Variants in DNAJC5B observed in about 807,000 individuals in gnomAD.
DNAJC5B encodes dnaJ homolog subfamily C member 5B.
Under a neutral mutation model 24.7 loss-of-function variants are expected in DNAJC5B, and 23 were observed. The ratio of observed to expected loss-of-function variants is 0.93; its 90% CI spans 0.67 to 1.32. The LOEUF is 1.32. Among genes scored for constraint, DNAJC5B ranks in the 40% most tolerant of loss-of-function variants. The pLI is 0.00. For synonymous variants in DNAJC5B, 101 were observed against 90.1 expected (o/e 1.12, Z -0.68); for missense variants, 238 against 240.8 (o/e 0.99, Z 0.08).
intron 2 of DNAJC5B, among the ~76,000 whole-genome samples, chr8:66,045,590 A>AG (rs759325499): frequency 1.3e-5 from 2 of 152,036 alleles, no homozygotes; most frequent in Non-Finnish European, 2.9e-5. Flanking sequence ...ATACTAGAAA[A>AG]GGGAGGGTAG....
chr8:66,023,148 T>G (rs1409080682), intron 1 of DNAJC5B, among the ~76,000 whole-genome samples: 1 of 152,202 alleles, frequency 6.6e-6, no homozygotes, highest in Non-Finnish European at 1.5e-5. Flanking sequence ...GTGTCTCAGC[T>G]AAGGGTATCA....
chr8:66,028,737 G>A (rs181732169), intron 1 of DNAJC5B, among the ~76,000 whole-genome samples: 1 of 152,034 alleles, frequency 6.6e-6, no homozygotes, highest in Non-Finnish European at 1.5e-5. Flanking sequence ...CTGCCACCCT[G>A]GTCTGGGCCC....
intron 5 of DNAJC5B, among the ~76,000 whole-genome samples, chr8:66,081,935 A>G (rs1807604800): frequency 6.6e-6 from 1 of 152,192 alleles, no homozygotes; most frequent in Non-Finnish European, 1.5e-5. Context: ...TAATGGGGTC[A>G]TTTATACCAA....
At position 66,080,399 on chromosome 8, in the gene DNAJC5B, T is replaced by C. The variant is rs1807566191; in HGVS notation, c.356T>C (p.Leu119Pro). The change falls in exon 5 of 6, where the codon CTC becomes CCC. Residue 119 changes from leucine to proline, a missense_variant. Physicochemically the swap from Leu to Pro is moderately conservative, Grantham distance 98. Coordinates refer to ENST00000276570, the MANE Select transcript of DNAJC5B (RefSeq NM_033105.6). ...TAGGCCCTGTTTGTCATCGTTGGCC[T>C]CTTGACGGGCTGCTACTTTTGCTGC... ...WAKALFVIVGLLTGCYFCCCL... is the reference protein window; with the variant it reads ...WAKALFVIVGPLTGCYFCCCL... 3 of 1,613,542 alleles carry C rather than the reference T, an allele frequency of 1.9e-6. No individual in the cohort carries two copies. Among genetic ancestry groups the C allele is most frequent in the African/African-American group, 1.3e-5 (1 of 74,912 alleles).
chr8:66,031,010 G>A (rs1352828071), intron 1 of DNAJC5B, among the ~76,000 whole-genome samples: 2 of 152,170 alleles, frequency 1.3e-5, no homozygotes, highest in Non-Finnish European at 2.9e-5. Flanking sequence ...GCTTATGCTC[G>A]TGAGAGCCCC....
chr8:66,044,946 C>T (rs1806692550), intron 2 of DNAJC5B, among the ~76,000 whole-genome samples: 1 of 152,034 alleles, frequency 6.6e-6, no homozygotes. Flanking sequence ...AGGTTATGGG[C>T]CCACTATTTA....
chr8:66,016,184 T>C, the DNAJC5B span, among the ~76,000 whole-genome samples: 1 of 152,324 alleles, frequency 6.6e-6, no homozygotes, highest in Non-Finnish European at 1.5e-5. Context: ...AAGGGGCTAG[T>C]TTCTTCCAGC....
At chr8:66,074,208 G>A (rs1170639721) in intron 3 of DNAJC5B, among the ~76,000 whole-genome samples, 1 of 152,310 alleles carries the variant, frequency 6.6e-6, no homozygotes, top group South Asian at 2.1e-4. Flanking sequence ...TATTTTAAGA[G>A]CTGGGGCAGC....
chr8:66,087,829 A>G (rs1188972698), intron 5 of DNAJC5B, among the ~76,000 whole-genome samples: 1 of 152,150 alleles, frequency 6.6e-6, no homozygotes, highest in East Asian at 1.9e-4. Context: ...GTGGCTCTGC[A>G]GGGTACAGCC....
upstream of DNAJC5B, among the ~76,000 whole-genome samples, chr8:66,018,024 G>A (rs184387059): frequency 1.8e-3 from 273 of 152,238 alleles, 4 homozygotes; most frequent in African/African-American, 6.1e-3. Context: ...CTTTTAGAGC[G>A]TACTCAATAC....
At chr8:66,099,435 A>G (rs777381027) in intron 5 of DNAJC5B, among the ~76,000 whole-genome samples, 6 of 152,214 alleles carry the variant, frequency 3.9e-5, no homozygotes, top group Admixed American at 1.3e-4. Context: ...GGAGATTTCT[A>G]TTAGACTCTC....
intron 5 of DNAJC5B, among the ~76,000 whole-genome samples, chr8:66,085,400 A>C (rs1807699262): frequency 1.3e-5 from 2 of 152,152 alleles, no homozygotes; most frequent in South Asian, 4.1e-4. Context: ...AGGTCGTGCC[A>C]CTGCACTCCA....
intron 1 of DNAJC5B, among the ~76,000 whole-genome samples, chr8:66,041,196 G>A (rs1806600666): frequency 6.6e-6 from 1 of 152,142 alleles, no homozygotes; most frequent in Non-Finnish European, 1.5e-5. Context: ...CATAAATGAT[G>A]TAGAGAGGTA....
chr8:66,041,582 T>A (rs918852392), intron 1 of DNAJC5B, among the ~76,000 whole-genome samples: 2 of 152,236 alleles, frequency 1.3e-5, no homozygotes, highest in African/African-American at 4.8e-5. Context: ...GTTTCCTGCC[T>A]CAGAGACAGG....
chr8:66,036,008 G>A (rs1164192933), intron 1 of DNAJC5B, among the ~76,000 whole-genome samples: 1 of 152,168 alleles, frequency 6.6e-6, no homozygotes, highest in Non-Finnish European at 1.5e-5. Flanking sequence ...GGTTGTAAAC[G>A]CAGATGCCCC....
chr8:66,017,858 A>C (rs1475574827), upstream of DNAJC5B, among the ~76,000 whole-genome samples: 1 of 152,224 alleles, frequency 6.6e-6, no homozygotes, highest in African/African-American at 2.4e-5. Flanking sequence ...ATAGACTACG[A>C]GCATTTTAGT....
chr8:66,084,116 T>G (rs755472750), intron 5 of DNAJC5B, among the ~76,000 whole-genome samples: 21 of 152,280 alleles, frequency 1.4e-4, no homozygotes, highest in Middle Eastern at 6.8e-3. Flanking sequence ...ATTAGTTAGA[T>G]TCACGTTTAT....
At chr8:66,092,030 C>A (rs541519089) in intron 5 of DNAJC5B, among the ~76,000 whole-genome samples, 23 of 152,144 alleles carry the variant, frequency 1.5e-4, no homozygotes, top group African/African-American at 4.8e-4. Flanking sequence ...GAATAGGGAG[C>A]AACTGTTTAA....
At chr8:66,090,978 A>C (rs1352877417) in intron 5 of DNAJC5B, among the ~76,000 whole-genome samples, 2 of 152,220 alleles carry the variant, frequency 1.3e-5, no homozygotes, top group Admixed American at 1.3e-4. Context: ...CAGAGCAGTA[A>C]GACAGGCTTG....
Sources: allele counts gnomAD v4.1 joint callset (sites outside exome capture counted in the v4.1 genomes callset), GRCh38; gene constraint gnomAD v4.1.1; transcripts MANE v1.5; gene names NCBI Gene and HGNC (gene_info 2026-07-23, HGNC 2026-07-21).